Variants in CACNA1E observed in about 807,000 individuals in gnomAD.
CACNA1E encodes voltage-dependent R-type calcium channel subunit alpha-1E.
A neutral mutation model predicts 259.2 loss-of-function variants in CACNA1E; 40 were observed. The observed-to-expected ratio is 0.15, with a 90% CI of 0.12 to 0.20. The LOEUF is 0.20. CACNA1E is among the 10% of genes least tolerant of loss of function. The pLI is 1.00. For missense variants in CACNA1E, 1,874 were observed against 3,040.1 expected (o/e 0.62, Z 9.02); for synonymous variants, 1,104 against 1,138.5 (o/e 0.97, Z 0.61).
chr1:181,439,479 G>A (rs980092660), intron 2 of CACNA1E, among the ~76,000 whole-genome samples: 1 of 152,008 alleles, frequency 6.6e-6, no homozygotes, highest in African/African-American at 2.4e-5. Flanking sequence ...TGTGAAACCG[G>A]TATACACAAT....
intron 1 of CACNA1E, among the ~76,000 whole-genome samples, chr1:181,391,539 C>T (rs1656277050): frequency 6.6e-6 from 1 of 151,948 alleles, no homozygotes; most frequent in Non-Finnish European, 1.5e-5. Flanking sequence ...GAGGGGCTGT[C>T]TGGGGGGGAA....
At chr1:181,663,135 A>T in intron 7 of CACNA1E, among the ~76,000 whole-genome samples, 1 of 152,236 alleles carries the variant, frequency 6.6e-6, no homozygotes, top group East Asian at 1.9e-4. Context: ...ACTCATAGTA[A>T]TATCATGGAA....
intron 3 of CACNA1E, among the ~76,000 whole-genome samples, chr1:181,535,582 C>T (rs1332673033): frequency 6.6e-6 from 1 of 152,052 alleles, no homozygotes; most frequent in Non-Finnish European, 1.5e-5. Flanking sequence ...ATGTAATACA[C>T]CCATACCCAT....
At chr1:181,743,666 A>G (rs1656786433) in intron 25 of CACNA1E, among the ~76,000 whole-genome samples, 1 of 152,228 alleles carries the variant, frequency 6.6e-6, no homozygotes, top group Non-Finnish European at 1.5e-5. Flanking sequence ...GGAGAGGACC[A>G]GGACACCTGT....
intron 2 of CACNA1E, among the ~76,000 whole-genome samples, chr1:181,415,158 A>C (rs1658171061): frequency 6.6e-6 from 1 of 152,196 alleles, no homozygotes; most frequent in South Asian, 2.1e-4. Flanking sequence ...GAACAACTTG[A>C]GGGCTGAGAC....
At chr1:181,346,299 T>C (rs1348201536) in intron 1 of CACNA1E, among the ~76,000 whole-genome samples, 3 of 152,250 alleles carry the variant, frequency 2.0e-5, no homozygotes, top group Non-Finnish European at 4.4e-5. Context: ...TTCTCTGCTG[T>C]AGTTTTTCTC....
intron 6 of CACNA1E, among the ~76,000 whole-genome samples, chr1:181,633,629 A>T (rs1288054454): frequency 6.6e-6 from 1 of 151,996 alleles, no homozygotes; most frequent in Non-Finnish European, 1.5e-5. Flanking sequence ...GTAGCTGGGA[A>T]TATAGGCGCC....
chr1:181,508,099 T>A (rs1665861334), intron 1 of CACNA1E, among the ~76,000 whole-genome samples: 1 of 151,798 alleles, frequency 6.6e-6, no homozygotes, highest in African/African-American at 2.4e-5. Flanking sequence ...AAAAAAGAGT[T>A]ACAAGGTGAA....
intron 7 of CACNA1E, among the ~76,000 whole-genome samples, chr1:181,681,210 A>G (rs1572581248): frequency 6.6e-6 from 1 of 152,318 alleles, no homozygotes; most frequent in South Asian, 2.1e-4. Context: ...CCACTGCTCT[A>G]AGCCTTCTGT....
Position 181,502,641 on chromosome 1 carries a change from T to A in CACNA1E, c.267-7836T>A, listed in dbSNP as rs945808857. Among the ~76,000 whole-genome samples the A allele has an allele frequency of 2.0e-5, 3 of 152,230 alleles. No individual in the cohort carries two copies. In the South Asian group the frequency reaches 6.2e-4, roughly 31 times the overall value. ...CATGATCTGGAGAAAATGTGAAACA[T>A]CCCTCCAGGAAGGGAGCTGGACTGG... On this transcript the variant is annotated intron_variant, in intron 1 of 47. Coordinates refer to ENST00000367573, the MANE Select transcript of CACNA1E (RefSeq NM_001205293.3).
chr1:181,608,299 G>T (rs995016421), intron 6 of CACNA1E, among the ~76,000 whole-genome samples: 1 of 152,158 alleles, frequency 6.6e-6, no homozygotes. Context: ...GGATATCCAG[G>T]TAAGGATAGT....
Position 181,483,981 on chromosome 1 carries a change from G to A in CACNA1E, c.237G>A (p.Arg79=). The A allele has an allele frequency of 6.2e-7, 1 of 1,613,770 alleles. No homozygotes were observed. Among genetic ancestry groups the A allele is most frequent in the Non-Finnish European group, 8.5e-7 (1 of 1,179,798 alleles). ...LFIFGEDNIV[R]KYAKKLIDWP... ...TCTTCGGAGAAGATAACATTGTCAGGAAATATGCCAAGAAGCTCATCGATT... is the reference window on the plus strand; with the variant it reads ...TCTTCGGAGAAGATAACATTGTCAGAAAATATGCCAAGAAGCTCATCGATT... The change falls in exon 1 of 48, where the codon AGG becomes AGA. Residue 79 remains arginine (R), a synonymous_variant. Transcript: ENST00000367573.
At chr1:181,669,759 A>T (rs971443703) in intron 7 of CACNA1E, among the ~76,000 whole-genome samples, 2 of 152,330 alleles carry the variant, frequency 1.3e-5, no homozygotes, top group Admixed American at 1.3e-4. Flanking sequence ...GATTTTGAGC[A>T]TTGTTTTCAG....
chr1:181,422,628 T>C (rs1658837381), intron 2 of CACNA1E, among the ~76,000 whole-genome samples: 1 of 152,238 alleles, frequency 6.6e-6, no homozygotes, highest in South Asian at 2.1e-4. Flanking sequence ...TTTGTGGGCC[T>C]CATTTTGCTC....
intron 18 of CACNA1E, among the ~76,000 whole-genome samples, chr1:181,728,829 C>T (rs897154772): frequency 1.4e-5 from 2 of 143,174 alleles, no homozygotes; most frequent in African/African-American, 5.3e-5. Flanking sequence ...GTGTATGTAC[C>T]CTGCTCACGT....
At chr1:181,528,139 G>C (rs542093) in intron 3 of CACNA1E, among the ~76,000 whole-genome samples, 1 of 149,658 alleles carries the variant, frequency 6.7e-6, no homozygotes, top group African/African-American at 2.5e-5. Flanking sequence ...TGTGGGAGGG[G>C]CCCGGGGTGG....
chr1:181,326,282 C>T (rs78602308), intron 1 of CACNA1E, among the ~76,000 whole-genome samples: 5,047 of 152,260 alleles, frequency 0.033, 125 homozygotes, highest in Non-Finnish European at 0.052. Context: ...GTCTTGACTT[C>T]GAAACCAGAA....
chr1:181,752,114 A>G (rs766605947), intron 26 of CACNA1E, 29 bp from the exon 27 acceptor site: 3 of 1,449,532 alleles, frequency 2.1e-6, no homozygotes, highest in Middle Eastern at 3.5e-4. Context: ...CCCATTCCAT[A>G]TGATTCCCTG....
rs147896921 is a variant in CACNA1E at position 181,685,738 on chromosome 1, A to G, written c.1056-25216A>G. ...AGACCTATTGTTAAGGCACACTCTCAAACTTTGTCTGGAAGACCTTTTGGA... is the reference window on the plus strand; with the variant it reads ...AGACCTATTGTTAAGGCACACTCTCGAACTTTGTCTGGAAGACCTTTTGGA... On this transcript the variant is annotated intron_variant, in intron 7 of 47. Coordinates refer to ENST00000367573, the MANE Select transcript of CACNA1E (RefSeq NM_001205293.3). Among the ~76,000 whole-genome samples, 261 of 152,326 alleles carry G rather than the reference A, an allele frequency of 1.7e-3. 1 individual carries two copies. Among genetic ancestry groups the G allele is most frequent in the African/African-American group, 6.0e-3 (249 of 41,572 alleles).
Sources: allele counts gnomAD v4.1 joint callset (sites outside exome capture counted in the v4.1 genomes callset), GRCh38; gene constraint gnomAD v4.1.1; transcripts MANE v1.5; gene names NCBI Gene and HGNC (gene_info 2026-07-23, HGNC 2026-07-21).